Variants in CSMD1 observed in about 807,000 individuals in gnomAD.
The protein encoded by CSMD1 is CUB and sushi domain-containing protein 1.
A neutral mutation model predicts 417.5 loss-of-function variants in CSMD1; 213 were observed. That is an observed-to-expected ratio of 0.51 (90% CI 0.46 to 0.57). The LOEUF is 0.57. Among genes scored for constraint, CSMD1 ranks in the 20% least tolerant of loss-of-function variants. The probability of loss-of-function intolerance (pLI) is 0.00; values close to 1 mark genes in which losing one functional copy is unlikely to be tolerated. For synonymous variants in CSMD1, 2,862 were observed against 1,736.8 expected, an observed-to-expected ratio of 1.65 and a Z score of -16.11; for missense variants, 6,923 against 4,529.7, an observed-to-expected ratio of 1.53 and a Z score of -15.17.
Position 3,708,544 on chromosome 8 carries a change from C to T in CSMD1, c.932-53G>A, listed in dbSNP as rs1017945273. 7 of 1,490,452 alleles carry T rather than the reference C, an allele frequency of 4.7e-6. 1 individual carries two copies. The highest frequency in any genetic ancestry group is 3.4e-5 in the South Asian group (3 of 88,226). 92.3% of individuals were successfully genotyped at this position (1,490,452 alleles called of 1,614,324 possible). On this transcript the variant is annotated intron_variant, in intron 6 of 69. Transcript: ENST00000635120. The stretch of plus-strand genomic sequence containing the variant: ...CAGGTAAGACTTGGAGATCATAAAA[C>T]CATGTTGTATCCACACAGCACTTCC...
chr8:3,820,402 C>T (rs1474182378), intron 5 of CSMD1, among the ~76,000 whole-genome samples: 3 of 152,124 alleles, frequency 2.0e-5, no homozygotes, highest in African/African-American at 2.4e-5. Flanking sequence ...AAAAGTGAGT[C>T]ATATACATTA....
chr8:4,165,183 G>A (rs1282183843), intron 3 of CSMD1, among the ~76,000 whole-genome samples: 2 of 152,106 alleles, frequency 1.3e-5, no homozygotes, highest in African/African-American at 4.8e-5. Flanking sequence ...CGCCTAGCCA[G>A]TAACTATCAG....
intron 3 of CSMD1, among the ~76,000 whole-genome samples, chr8:4,042,813 ATT>A (rs1563355339): frequency 1.7e-5 from 2 of 120,694 alleles, no homozygotes; most frequent in Non-Finnish European, 1.7e-5. Context: ...GGTACAACAT[ATT>A]AAAAAAAAAA....
intron 23 of CSMD1, among the ~76,000 whole-genome samples, chr8:3,323,820 C>T (rs1294823610): frequency 6.6e-6 from 1 of 150,562 alleles, no homozygotes; most frequent in Non-Finnish European, 1.5e-5. Flanking sequence ...GAGTTTCCTT[C>T]ACCCCACCAT....
At chr8:4,282,273 A>G (rs1468393873) in intron 3 of CSMD1, among the ~76,000 whole-genome samples, 1 of 152,176 alleles carries the variant, frequency 6.6e-6, no homozygotes, top group African/African-American at 2.4e-5. Flanking sequence ...TGAACCTGTC[A>G]TTTTACAGAT....
intron 4 of CSMD1, among the ~76,000 whole-genome samples, chr8:4,002,654 G>A (rs536532729): frequency 1.9e-4 from 29 of 152,300 alleles, no homozygotes; most frequent in Non-Finnish European, 4.0e-4. Context: ...AAGGATAAAA[G>A]CTTTGCTGAC....
chr8:4,098,673 C>T (rs188503647), intron 3 of CSMD1, among the ~76,000 whole-genome samples: 24 of 152,264 alleles, frequency 1.6e-4, no homozygotes, highest in African/African-American at 2.9e-4. Context: ...CACTGTCTTA[C>T]GGCAAATAAA....
intron 3 of CSMD1, among the ~76,000 whole-genome samples, chr8:4,220,823 G>C (rs146097741): frequency 6.6e-6 from 1 of 152,184 alleles, no homozygotes; most frequent in Non-Finnish European, 1.5e-5. Flanking sequence ...AAGACACCAT[G>C]GGGCTGAGTG....
At chr8:4,838,230 G>A (rs879098481) in intron 1 of CSMD1, among the ~76,000 whole-genome samples, 5 of 152,182 alleles carry the variant, frequency 3.3e-5, no homozygotes, top group Admixed American at 2.0e-4. Flanking sequence ...TTAGGGTTTC[G>A]TTCTGGGTTT....
At chr8:4,466,752 A>G (rs563221813) in intron 2 of CSMD1, among the ~76,000 whole-genome samples, 2 of 152,180 alleles carry the variant, frequency 1.3e-5, no homozygotes, top group Non-Finnish European at 2.9e-5. Context: ...ATAATACTAT[A>G]TTTATCAAAT....
At chr8:4,574,007 C>G (rs7016953) in intron 2 of CSMD1, among the ~76,000 whole-genome samples, 2,560 of 152,312 alleles carry the variant, frequency 0.017, 69 homozygotes, top group African/African-American at 0.059. Flanking sequence ...CGACTTCAGA[C>G]TGCTGTGCTG....
intron 2 of CSMD1, among the ~76,000 whole-genome samples, chr8:4,462,720 C>T (rs1563202172): frequency 6.6e-6 from 1 of 151,956 alleles, no homozygotes; most frequent in African/African-American, 2.4e-5. Context: ...GACAAGATGC[C>T]AAAACAATCA....
In CSMD1 at chr8:4,391,432, G is replaced by C. The variant is rs183489994; in HGVS notation, c.415+28521C>G. On this transcript the variant is annotated intron_variant, in intron 3 of 69. Coordinates refer to ENST00000635120, the MANE Select transcript of CSMD1 (RefSeq NM_033225.6). ...GCTTTCAGAGCCTTAGTGATTGAGA[G>C]AAGGAACATAAACAGCTAATTATCA... Among the ~76,000 whole-genome samples the C allele has an allele frequency of 2.7e-4, 41 of 152,214 alleles. No homozygotes were observed. In the East Asian group the frequency reaches 7.5e-3, roughly 28 times the overall value.
At chr8:3,323,058 G>A (rs1806258756) in intron 23 of CSMD1, among the ~76,000 whole-genome samples, 1 of 152,166 alleles carries the variant, frequency 6.6e-6, no homozygotes, top group African/African-American at 2.4e-5. Flanking sequence ...AGTCATCACT[G>A]TCCTATAAAT....
chr8:2,959,718 G>T (rs1297521519), intron 62 of CSMD1, among the ~76,000 whole-genome samples: 2 of 152,116 alleles, frequency 1.3e-5, no homozygotes, highest in Non-Finnish European at 2.9e-5. Context: ...ACACTGAAAT[G>T]GCTCACTTTG....
intron 7 of CSMD1, among the ~76,000 whole-genome samples, chr8:3,643,440 C>A (rs953216783): frequency 6.6e-6 from 1 of 152,110 alleles, no homozygotes; most frequent in Admixed American, 6.5e-5. Context: ...CCGTGGCTCA[C>A]GCCTGTAATC....
intron 5 of CSMD1, among the ~76,000 whole-genome samples, chr8:3,780,253 T>C (rs1203081438): frequency 2.0e-5 from 3 of 152,204 alleles, no homozygotes; most frequent in Non-Finnish European, 2.9e-5. Flanking sequence ...GTCTGGTTCT[T>C]CCATGCTCAG....
chr8:4,456,984 T>A (rs867526549), intron 2 of CSMD1, among the ~76,000 whole-genome samples: 7 of 78,592 alleles, frequency 8.9e-5, no homozygotes, highest in South Asian at 4.9e-4. Flanking sequence ...TGGTTTTTTT[T>A]TAAAAAAAAA....
chr8:3,299,363 C>A (rs550643481), intron 25 of CSMD1, among the ~76,000 whole-genome samples: 69 of 152,142 alleles, frequency 4.5e-4, no homozygotes, highest in Non-Finnish European at 7.8e-4. Context: ...CAGGCAGGAG[C>A]ATTGCTTGAA....
Sources: gnomAD v4.1 joint callset for allele counts (sites outside exome capture counted in the v4.1 genomes callset) on GRCh38, gnomAD v4.1.1 for gene constraint, MANE v1.5 for transcripts, NCBI Gene and HGNC (gene_info 2026-07-23, HGNC 2026-07-21) for gene names.